LIPJ: variants seen among roughly 807,000 people sequenced by gnomAD.
The protein encoded by LIPJ is lipase member J.
Under a neutral mutation model 39.8 loss-of-function variants are expected in LIPJ, and 33 were observed. The observed-to-expected ratio is 0.83, with a 90% CI of 0.63 to 1.11. LIPJ has a LOEUF of 1.11. LIPJ is among the 50% of genes least tolerant of loss of function. LIPJ has a pLI of 0.00. For missense variants in LIPJ, 422 were observed against 427.9 expected, an observed-to-expected ratio of 0.99 and a Z score of 0.12; for synonymous variants, 128 against 139.2, an observed-to-expected ratio of 0.92 and a Z score of 0.57.
chr10:88,591,785 A>G, intron 4 of LIPJ: 1 of 187,266 alleles, frequency 5.3e-6, no homozygotes, highest in Non-Finnish European at 1.1e-5. Context: ...CTGATGAGAA[A>G]TTAGAAATGC....
chr10:88,605,556 T>G (rs1211010771), intron 9 of LIPJ, 77 bp from the exon 10 acceptor site: 6 of 911,994 alleles, frequency 6.6e-6, no homozygotes, highest in Non-Finnish European at 1.8e-6. Flanking sequence ...GGGGTATATA[T>G]GCATTGCATG....
intron 8 of LIPJ, among the ~76,000 whole-genome samples, chr10:88,601,037 C>T (rs1304111540): frequency 6.6e-6 from 1 of 152,072 alleles, no homozygotes; most frequent in Non-Finnish European, 1.5e-5. Flanking sequence ...CAACTTCTGC[C>T]TCCCGGGTTC....
chr10:88,609,898 CAAAAA>C (rs11305444), downstream of LIPJ, among the ~76,000 whole-genome samples: 1 of 84,554 alleles, frequency 1.2e-5, no homozygotes, highest in East Asian at 3.7e-4. Flanking sequence ...GACTCTGTCT[CAAAAA>C]AAAAAAAAAA....
chr10:88,596,159 G>A, intron 6 of LIPJ, 121 bp from the exon 7 acceptor site: 1 of 619,536 alleles, frequency 1.6e-6, no homozygotes, highest in East Asian at 3.6e-5. Context: ...AATGAATTAA[G>A]AAATAAGTTA....
At chr10:88,617,002 C>G in the LIPJ span, among the ~76,000 whole-genome samples, 1 of 152,126 alleles carries the variant, frequency 6.6e-6, no homozygotes, top group Non-Finnish European at 1.5e-5. Flanking sequence ...CCCCTAATCC[C>G]ATAGCCCCAC....
At chr10:88,582,983 C>G (rs1564924069), upstream of LIPJ, 1 of 1,447,856 alleles carries the variant, frequency 6.9e-7, no homozygotes, top group Non-Finnish European at 9.3e-7. Flanking sequence ...AGCGTTTTCG[C>G]CTTAGACTTT....
At chr10:88,595,878 G>GATAAATATTGAAT (rs1851237384) in intron 6 of LIPJ, among the ~76,000 whole-genome samples, 1 of 151,440 alleles carries the variant, frequency 6.6e-6, no homozygotes, top group Non-Finnish European at 1.5e-5. Context: ...ATATATTGAA[G>GATAAATATTGAAT]ATAAATATTA....
upstream of LIPJ, among the ~76,000 whole-genome samples, chr10:88,586,508 C>T (rs1436592156): frequency 4.6e-5 from 7 of 152,106 alleles, no homozygotes; most frequent in African/African-American, 1.7e-4. Flanking sequence ...GCTTAAAAGC[C>T]ACCTAAAAGA....
At chr10:88,616,754 G>C in the LIPJ span, among the ~76,000 whole-genome samples, 3 of 152,206 alleles carry the variant, frequency 2.0e-5, no homozygotes, top group Non-Finnish European at 4.4e-5. Flanking sequence ...CTGGAGAAGG[G>C]GAGATGAAGA....
At chr10:88,606,951 T>A in exon 11 of LIPJ, 3 of 1,394,888 alleles carry the variant, frequency 2.2e-6, no homozygotes, top group Non-Finnish European at 2.8e-6. Context: ...TCATTCCTAA[T>A]GAAATCCAAT....
chr10:88,588,867 C>T (rs1466648432), intron 2 of LIPJ, among the ~76,000 whole-genome samples: 3 of 151,854 alleles, frequency 2.0e-5, no homozygotes, highest in Non-Finnish European at 4.4e-5. Flanking sequence ...GTTGATGAGT[C>T]ACTGCAAATA....
chr10:88,583,005 G>A, upstream of LIPJ: 1 of 1,551,158 alleles, frequency 6.4e-7, no homozygotes, highest in South Asian at 1.2e-5. Flanking sequence ...TTGGGTGCAG[G>A]CCCACACCAC....
chr10:88,620,411 G>A, the LIPJ span, among the ~76,000 whole-genome samples: 2 of 152,110 alleles, frequency 1.3e-5, no homozygotes, highest in African/African-American at 4.8e-5. Context: ...ATAGAAGTGA[G>A]ATCAAAGATA....
chr10:88,613,743 GAT>G, the LIPJ span, among the ~76,000 whole-genome samples: 46,768 of 91,836 alleles, frequency 0.51, 12,279 homozygotes, highest in Middle Eastern at 0.63. Flanking sequence ...AAGGCATCCT[GAT>G]ATATATATAT....
At chr10:88,607,413 C>T (rs555015790), downstream of LIPJ, among the ~76,000 whole-genome samples, 7 of 152,188 alleles carry the variant, frequency 4.6e-5, no homozygotes, top group East Asian at 1.9e-4. Context: ...CAGGCAAAGT[C>T]CCAGATGTAG....
At chr10:88,590,038 T>C (rs1049210230) in intron 2 of LIPJ, among the ~76,000 whole-genome samples, 2 of 151,610 alleles carry the variant, frequency 1.3e-5, no homozygotes, top group Non-Finnish European at 3.0e-5. Flanking sequence ...CCTCTGTGGG[T>C]ACCTGGTTTA....
the LIPJ span, among the ~76,000 whole-genome samples, chr10:88,612,869 A>T: frequency 1.3e-5 from 2 of 152,128 alleles, no homozygotes; most frequent in African/African-American, 2.4e-5. Context: ...CCTAAACTAT[A>T]CCCTATGACA....
chr10:88,583,005 G>T (rs528729097), upstream of LIPJ: 2,912 of 1,551,130 alleles, frequency 1.9e-3, 6 homozygotes, highest in Non-Finnish European at 2.0e-3. Flanking sequence ...TTGGGTGCAG[G>T]CCCACACCAC....
At chr10:88,595,745 G>T (rs186100307) in intron 6 of LIPJ, among the ~76,000 whole-genome samples, 2 of 151,688 alleles carry the variant, frequency 1.3e-5, no homozygotes, top group East Asian at 3.9e-4. Flanking sequence ...ATATTGATGT[G>T]TAAGTAGATA....
Sources: allele counts gnomAD v4.1 joint callset (sites outside exome capture counted in the v4.1 genomes callset), GRCh38; gene constraint gnomAD v4.1.1; transcripts MANE v1.5; gene names NCBI Gene and HGNC (gene_info 2026-07-23, HGNC 2026-07-21).